Variants in NKAIN2 observed in about 807,000 individuals in gnomAD.
The protein encoded by NKAIN2 is sodium/potassium-transporting ATPase subunit beta-1-interacting protein 2.
In NKAIN2, 14 loss-of-function variants were observed where a neutral mutation model predicts 32.6. That is an observed-to-expected ratio of 0.43 (90% CI 0.28 to 0.67). The LOEUF is 0.67. Among genes scored for constraint, NKAIN2 ranks in the 30% least tolerant of loss-of-function variants. The pLI, the probability that NKAIN2 is intolerant of heterozygous loss-of-function variation, is 0.17. For missense variants in NKAIN2, 198 were observed against 258.3 expected (o/e 0.77, Z 1.60); for synonymous variants, 80 against 87.2 (o/e 0.92, Z 0.46).
At chr6:124,729,430 G>A (rs1215766391) in intron 4 of NKAIN2, among the ~76,000 whole-genome samples, 1 of 151,834 alleles carries the variant, frequency 6.6e-6, no homozygotes, top group Admixed American at 6.6e-5. Flanking sequence ...ATGTAATCCA[G>A]CATATAAGCA....
chr6:123,922,647 C>T (rs556378888), intron 1 of NKAIN2, among the ~76,000 whole-genome samples: 52 of 152,188 alleles, frequency 3.4e-4, no homozygotes, highest in African/African-American at 1.1e-3. Context: ...TAGTGTCTGG[C>T]TGAGGGTCGA....
chr6:124,647,599 T>A (rs1205228588), intron 3 of NKAIN2, among the ~76,000 whole-genome samples: 1 of 150,924 alleles, frequency 6.6e-6, no homozygotes, highest in African/African-American at 2.4e-5. Flanking sequence ...TCCTTTATAC[T>A]CTTCAATGGT....
intron 3 of NKAIN2, among the ~76,000 whole-genome samples, chr6:124,462,731 A>G (rs983811759): frequency 6.6e-6 from 1 of 152,026 alleles, no homozygotes; most frequent in Non-Finnish European, 1.5e-5. Context: ...TAGAGAAAAG[A>G]ACTCCATTCA....
At chr6:124,649,668 A>C (rs1251361582) in intron 3 of NKAIN2, among the ~76,000 whole-genome samples, 1 of 152,150 alleles carries the variant, frequency 6.6e-6, no homozygotes, top group African/African-American at 2.4e-5. Flanking sequence ...CAAAAAAAGA[A>C]AACTGTAGTC....
At chr6:124,362,045 C>A (rs536885589) in intron 3 of NKAIN2, among the ~76,000 whole-genome samples, 1 of 152,082 alleles carries the variant, frequency 6.6e-6, no homozygotes, top group East Asian at 1.9e-4. Flanking sequence ...AACTCTTCCT[C>A]TTTAGTCTTC....
intron 1 of NKAIN2, among the ~76,000 whole-genome samples, chr6:124,172,968 A>G (rs1018527758): frequency 4.4e-4 from 67 of 152,110 alleles, no homozygotes; most frequent in African/African-American, 1.6e-3. Flanking sequence ...GAATTGCCTC[A>G]TATACACTCA....
intron 3 of NKAIN2, among the ~76,000 whole-genome samples, chr6:124,570,883 G>A (rs1375817448): frequency 6.6e-6 from 1 of 152,174 alleles, no homozygotes; most frequent in Non-Finnish European, 1.5e-5. Flanking sequence ...TGGAAAAGCT[G>A]CAGACACTCA....
intron 3 of NKAIN2, among the ~76,000 whole-genome samples, chr6:124,362,457 A>G (rs1799329327): frequency 6.6e-6 from 1 of 151,984 alleles, no homozygotes; most frequent in Non-Finnish European, 1.5e-5. Context: ...TCTTAAATTC[A>G]TTTTTCTTTG....
At chr6:124,375,716 G>A (rs1307875144) in intron 3 of NKAIN2, among the ~76,000 whole-genome samples, 1 of 151,964 alleles carries the variant, frequency 6.6e-6, no homozygotes, top group East Asian at 1.9e-4. Flanking sequence ...ACGAGAAAAT[G>A]TTGTTGAAAC....
chr6:123,933,320 G>A (rs1776347375), intron 1 of NKAIN2, among the ~76,000 whole-genome samples: 1 of 152,024 alleles, frequency 6.6e-6, no homozygotes, highest in South Asian at 2.1e-4. Context: ...ATATTTTGCA[G>A]TGACCATTCT....
At chr6:124,266,746 G>C (rs769014931) in intron 1 of NKAIN2, among the ~76,000 whole-genome samples, 19 of 152,300 alleles carry the variant, frequency 1.2e-4, no homozygotes, top group Non-Finnish European at 2.2e-4. Flanking sequence ...CATAAAATTG[G>C]ACAAGAGAGT....
rs753028887 is a variant in NKAIN2, at chr6:124,658,335, G to A, written c.423G>A (p.Leu141=). Residue 141 remains leucine, a synonymous_variant, in exon 4 of 7, where the codon CTG becomes CTA. Coordinates refer to ENST00000368417, the MANE Select transcript of NKAIN2 (RefSeq NM_001040214.3). ...HRYITVSGCL[L]EYQYIEVAHS... ...ACATCACGGTCTCAGGGTGTTTGCT[G>A]GAGTACCAGTACATAGAAGTGGCTC... 9.3e-6 allele frequency: 15 copies of A among 1,614,072 alleles called. No homozygotes were observed. In the Admixed American group the frequency reaches 2.5e-4, roughly 27 times the overall value.
chr6:123,853,790 G>C (rs1395750718), intron 1 of NKAIN2, among the ~76,000 whole-genome samples: 2 of 120,800 alleles, frequency 1.7e-5, no homozygotes, highest in Admixed American at 8.5e-5. Context: ...TTTTTTTTTT[G>C]AGATAGAATT....
At position 124,277,048 on chromosome 6, in the gene NKAIN2, A is replaced by G. The variant is rs556152378; in HGVS notation, c.55-5957A>G. 8.4e-4 allele frequency among the ~76,000 whole-genome samples: 128 copies of G among 152,302 alleles called. 1 individual carries two copies. The highest frequency in any genetic ancestry group is 9.4e-4 in the Non-Finnish European group (64 of 68,010). On this transcript the variant is annotated intron_variant, in intron 1 of 6. Transcript: ENST00000368417. ...TGGGCACAGGGGAAACCTGAATCCA[A>G]GGCAAAATCACAGGGCAAGGGTTTC...
chr6:124,352,757 T>C (rs1798789697), intron 2 of NKAIN2, among the ~76,000 whole-genome samples: 1 of 152,204 alleles, frequency 6.6e-6, no homozygotes, highest in Non-Finnish European at 1.5e-5. Flanking sequence ...AGTTAAGTCA[T>C]TGAAACAAAC....
intron 4 of NKAIN2, among the ~76,000 whole-genome samples, chr6:124,664,776 A>C (rs1224486954): frequency 2.6e-5 from 3 of 115,432 alleles, no homozygotes; most frequent in Non-Finnish European, 5.0e-5. Flanking sequence ...CCTGGGCGAC[A>C]GAGCGAGACT....
At chr6:124,747,994 T>C (rs571581290) in intron 4 of NKAIN2, among the ~76,000 whole-genome samples, 17 of 151,830 alleles carry the variant, frequency 1.1e-4, no homozygotes, top group African/African-American at 3.9e-4. Flanking sequence ...TTTTGAAAAA[T>C]ATAATAAAAA....
intron 4 of NKAIN2, among the ~76,000 whole-genome samples, chr6:124,771,884 AG>A (rs1481876479): frequency 1.3e-5 from 2 of 152,182 alleles, no homozygotes; most frequent in Non-Finnish European, 2.9e-5. Context: ...ATGCAACAGC[AG>A]GGGCAAGGGC....
intron 1 of NKAIN2, among the ~76,000 whole-genome samples, chr6:123,933,382 GTA>G (rs1776351755): frequency 6.6e-6 from 1 of 152,124 alleles, no homozygotes; most frequent in Admixed American, 6.5e-5. Context: ...ATGTTACACA[GTA>G]TATAGTTTGT....
Sources: allele counts gnomAD v4.1 joint callset (sites outside exome capture counted in the v4.1 genomes callset), GRCh38; gene constraint gnomAD v4.1.1; transcripts MANE v1.5; gene names NCBI Gene and HGNC (gene_info 2026-07-23, HGNC 2026-07-21).